The following SYCP2 variants were observed in gnomAD, a reference collection of about 807,000 sequenced individuals.
SYCP2 encodes the protein synaptonemal complex protein 2.
SYCP2 carries 55 observed loss-of-function variants against 211.3 expected under a neutral mutation model. That is an observed-to-expected ratio of 0.26 (90% CI 0.21 to 0.33). SYCP2 has a LOEUF of 0.33. Ranked by LOEUF, SYCP2 falls within the 10% of genes least tolerant of loss-of-function variation. SYCP2 has a pLI of 1.00. For synonymous variants in SYCP2, 570 were observed against 555.2 expected (o/e 1.03, Z -0.37); for missense variants, 1,731 against 1,752.0 (o/e 0.99, Z 0.21).
At chr20:59,914,284 ATTATGAAAATTAAGTTT>A in intron 10 of SYCP2, 33 bp from the exon 11 acceptor site, 2 of 1,325,396 alleles carry the variant, frequency 1.5e-6, no homozygotes, top group South Asian at 2.9e-5. Flanking sequence ...TTGATTTACA[ATTATGAAAATTAAGTTT>A]ATAAAAGACC....
intron 42 of SYCP2, 35 bp downstream of exon 42, chr20:59,865,772 T>G (rs757059977): frequency 2.5e-6 from 3 of 1,187,476 alleles, no homozygotes; most frequent in Non-Finnish European, 2.2e-6. Context: ...AAATCTAATT[T>G]TATAGATTAT....
chr20:59,920,944 T>TTGACAGAAGTAGGCA (rs1157701078), intron 4 of SYCP2, among the ~76,000 whole-genome samples: 1 of 151,640 alleles, frequency 6.6e-6, no homozygotes, highest in Non-Finnish European at 1.5e-5. Flanking sequence ...TGTTTTAGTT[T>TTGACAGAAGTAGGCA]TGACAGAAGT....
At chr20:59,878,859 A>C (rs2059610602) in intron 31 of SYCP2, among the ~76,000 whole-genome samples, 1 of 152,058 alleles carries the variant, frequency 6.6e-6, no homozygotes, top group African/African-American at 2.4e-5. Flanking sequence ...AGTCTCTGAA[A>C]CCTAAGAAAT....
intron 39 of SYCP2, among the ~76,000 whole-genome samples, chr20:59,866,961 T>C (rs1464761722): frequency 1.6e-5 from 2 of 123,590 alleles, no homozygotes; most frequent in Admixed American, 1.0e-4. Flanking sequence ...TACAGACACA[T>C]AGGAGAATAT....
At chr20:59,881,151 C>A in intron 29 of SYCP2, 128 bp from the exon 30 acceptor site, 1 of 575,484 alleles carries the variant, frequency 1.7e-6, no homozygotes. Flanking sequence ...ATTATTCTGG[C>A]CAAGCCACTT....
chr20:59,909,536 G>GA (rs1477300461), intron 14 of SYCP2, among the ~76,000 whole-genome samples: 3 of 152,278 alleles, frequency 2.0e-5, no homozygotes, highest in African/African-American at 7.2e-5. Flanking sequence ...TACCAGGGGG[G>GA]ATCTTTTACA....
rs1260149489 is a variant in SYCP2, at chr20:59,907,374, G to A, written c.1023C>T (p.Tyr341=). The change falls in exon 15 of 45, where the codon TAC becomes TAT. Residue 341 remains tyrosine, a synonymous_variant. Transcript: ENST00000357552. ...VTVPEEKVQI[Y]SIEVRESKKL... is the part of the protein sequence containing the mutation. ...AAACAAGTTTAATACCTTCAATGCT[G>A]TATATTTGTACTTTTTCCTCTGGCA... 1 of 1,604,196 alleles carries A rather than the reference G, an allele frequency of 6.2e-7. No homozygotes were observed. The highest frequency in any genetic ancestry group is 8.5e-7 in the Non-Finnish European group (1 of 1,172,470).
At chr20:59,908,231 A>G (rs1169589777) in intron 14 of SYCP2, among the ~76,000 whole-genome samples, 2 of 152,344 alleles carry the variant, frequency 1.3e-5, no homozygotes, top group South Asian at 4.1e-4. Context: ...CCTGGGCAAC[A>G]GAGGGAGACT....
chr20:59,909,346 C>G (rs2060272828), intron 14 of SYCP2, among the ~76,000 whole-genome samples: 1 of 152,200 alleles, frequency 6.6e-6, no homozygotes, highest in African/African-American at 2.4e-5. Flanking sequence ...ACCAAGTTTG[C>G]TCAGTTCTGT....
chr20:59,866,044 T>G (rs550360210), intron 41 of SYCP2, among the ~76,000 whole-genome samples, 179 bp from the exon 42 acceptor site: 3,011 of 151,938 alleles, frequency 0.02, 123 homozygotes, highest in African/African-American at 0.068. Flanking sequence ...TGTCATATGC[T>G]CTTTCAAATT....
intron 18 of SYCP2, 27 bp downstream of exon 18, chr20:59,900,111 A>C (rs1486274737): frequency 6.2e-7 from 1 of 1,608,198 alleles, no homozygotes; most frequent in South Asian, 1.1e-5. Flanking sequence ...GTAGTTTTAT[A>C]AGCCAGTATT....
intron 25 of SYCP2, 57 bp from the exon 26 acceptor site, chr20:59,886,021 AG>A: frequency 1.6e-6 from 2 of 1,288,952 alleles, no homozygotes; most frequent in Non-Finnish European, 2.2e-6. Context: ...ATATCATAAA[AG>A]TCATTTTAAG....
intron 7 of SYCP2, among the ~76,000 whole-genome samples, chr20:59,918,653 A>G (rs1275482509): frequency 6.6e-6 from 1 of 152,218 alleles, no homozygotes; most frequent in Non-Finnish European, 1.5e-5. Flanking sequence ...CTCAATTAAA[A>G]GCATGCTTAT....
chr20:59,931,792 TACAC>T (rs145920091), intron 2 of SYCP2, among the ~76,000 whole-genome samples: 1 of 151,028 alleles, frequency 6.6e-6, no homozygotes, highest in African/African-American at 2.4e-5. Context: ...ATAATCAGGT[TACAC>T]ACACACACAC....
At chr20:59,885,838 A>G in intron 26 of SYCP2, 90 bp downstream of exon 26, 14 of 992,128 alleles carry the variant, frequency 1.4e-5, no homozygotes, top group Non-Finnish European at 2.1e-5. Context: ...ATCGTATCAA[A>G]TTCCATTTTA....
At chr20:59,865,323 C>A (rs563154673) in intron 44 of SYCP2, 65 bp downstream of exon 44, 121 of 1,327,264 alleles carry the variant, frequency 9.1e-5, no homozygotes, top group Middle Eastern at 3.8e-4. Flanking sequence ...AGCACACACA[C>A]AAAAAAATCA....
intron 21 of SYCP2, 58 bp downstream of exon 21, chr20:59,893,466 G>C (rs1178328624): frequency 2.7e-6 from 3 of 1,093,704 alleles, no homozygotes; most frequent in Non-Finnish European, 2.7e-6. Context: ...TGGTAATACA[G>C]GGAGAAGTAT....
At chr20:59,909,737 G>A (rs1205932932) in intron 14 of SYCP2, among the ~76,000 whole-genome samples, 1 of 152,156 alleles carries the variant, frequency 6.6e-6, no homozygotes, top group African/African-American at 2.4e-5. Flanking sequence ...CAACAAACAT[G>A]AGCCACTGAA....
In SYCP2 at chr20:59,908,173, C is replaced by G. The variant is rs575688455; in HGVS notation, c.973-749G>C. On this transcript the variant is annotated intron_variant, in intron 14 of 44. Coordinates refer to ENST00000357552, the MANE Select transcript of SYCP2 (RefSeq NM_014258.4). ...CTGAGGCAGGAGAATGGCGTGAACC[C>G]GGGAGGCGGAGCTTGCAGTGAGCCA... 2.0e-5 allele frequency among the ~76,000 whole-genome samples: 3 copies of G among 152,138 alleles called. No homozygotes were observed. In the East Asian group the frequency reaches 5.8e-4, roughly 29 times the overall value.
Sources: gnomAD v4.1 joint callset for allele counts (sites outside exome capture counted in the v4.1 genomes callset) on GRCh38, gnomAD v4.1.1 for gene constraint, MANE v1.5 for transcripts, NCBI Gene and HGNC (gene_info 2026-07-23, HGNC 2026-07-21) for gene names.